The following EZR variants were observed in gnomAD, a reference collection of about 807,000 sequenced individuals.
EZR encodes cytovillin 2.
In EZR, 40 loss-of-function variants were observed where a neutral mutation model predicts 74.8. The ratio of observed to expected loss-of-function variants is 0.53; its 90% confidence interval spans 0.42 to 0.70. EZR has a LOEUF of 0.70. EZR is among the 30% of genes least tolerant of loss of function. The pLI is 0.00. For synonymous variants in EZR, 341 were observed against 283.3 expected (o/e 1.20, Z -2.05); for missense variants, 678 against 755.8 (o/e 0.90, Z 1.21).
chr6:158,798,575 C>T lies in EZR; in HGVS notation c.13-9204G>A, dbSNP rs369330223. ...GAGCTGAGAGGCTGGCTCAGCTCTG[C>T]TTCAGAGACCTCCCTCGATGGAAAA... On this transcript the variant is annotated intron_variant, in intron 2 of 13. Transcript: ENST00000367075. Among the ~76,000 whole-genome samples, 16 of 149,604 alleles carry T rather than the reference C, an allele frequency of 1.1e-4. No individual in the cohort carries two copies. In the East Asian group the frequency reaches 3.1e-3, roughly 29 times the overall value.
chr6:158,803,624 T>C (rs187587908), intron 2 of EZR, among the ~76,000 whole-genome samples: 9,998 of 30,676 alleles, frequency 0.33, 1,727 homozygotes, highest in African/African-American at 0.52. Context: ...TATATATATA[T>C]ACATATACAT....
chr6:158,817,049 C>T (rs1314407020), intron 2 of EZR, among the ~76,000 whole-genome samples: 2 of 152,148 alleles, frequency 1.3e-5, no homozygotes, highest in African/African-American at 4.8e-5. Flanking sequence ...CATGCCACTG[C>T]ACTCCAGCCT....
At chr6:158,767,183 C>G (rs375628955) in intron 13 of EZR, 78 bp downstream of exon 13, 19 of 1,580,620 alleles carry the variant, frequency 1.2e-5, no homozygotes, top group Non-Finnish European at 1.6e-5. Context: ...GGGGCTGGCT[C>G]ACATCACTGC....
chr6:158,780,578 C>T (rs182922751), intron 7 of EZR, among the ~76,000 whole-genome samples: 139 of 152,294 alleles, frequency 9.1e-4, no homozygotes, highest in African/African-American at 3.2e-3. Context: ...CCAAGCTCCC[C>T]GTGCACCCTT....
chr6:158,795,410 T>A (rs1169412728), intron 2 of EZR, among the ~76,000 whole-genome samples: 1 of 139,220 alleles, frequency 7.2e-6, no homozygotes, highest in African/African-American at 2.6e-5. Context: ...CATCTCTAAC[T>A]TTTAAAAACG....
intron 2 of EZR, among the ~76,000 whole-genome samples, chr6:158,800,785 G>T (rs3123124): frequency 0.012 from 1,794 of 152,230 alleles, 17 homozygotes; most frequent in Non-Finnish European, 0.019. Flanking sequence ...CTGGGTGACA[G>T]AGTGAGACTG....
At chr6:158,808,805 G>A (rs183908105) in intron 2 of EZR, among the ~76,000 whole-genome samples, 1 of 152,270 alleles carries the variant, frequency 6.6e-6, no homozygotes, top group East Asian at 1.9e-4. Context: ...TTTAAAGTTT[G>A]CTATAAAATA....
At position 158,803,582 on chromosome 6, in the gene EZR, CATATATATATATATAT is replaced by C. The variant is rs60495898; in HGVS notation, c.13-14227_13-14212del. On this transcript the variant is annotated intron_variant, in intron 2 of 13. Coordinates refer to ENST00000367075, the MANE Select transcript of EZR (RefSeq NM_001111077.2). ...ATATATATATATATATATATATATA[CATATATATATATATAT>C]ATATATACATATATATATATATATA... 2.3e-4 allele frequency among the ~76,000 whole-genome samples: 10 copies of C among 43,662 alleles called. 1 individual carries two copies. The highest frequency in any genetic ancestry group is 6.6e-4 in the African/African-American group (10 of 15,042). 28.6% of individuals were successfully genotyped at this position (43,662 alleles called of 152,430 possible).
intron 1 of EZR, among the ~76,000 whole-genome samples, chr6:158,818,874 A>G (rs1452872555): frequency 2.3e-5 from 3 of 129,512 alleles, no homozygotes; most frequent in Admixed American, 2.2e-4. Flanking sequence ...CTGGGGAGGG[A>G]TCCGTGGAGA....
chr6:158,771,106 CG>C, intron 9 of EZR, 137 bp downstream of exon 9: 1 of 1,377,804 alleles, frequency 7.3e-7, no homozygotes, highest in African/African-American at 1.5e-5. Flanking sequence ...ACAAAGGCCT[CG>C]AAGATCCCAG....
intron 7 of EZR, among the ~76,000 whole-genome samples, chr6:158,783,120 A>G (rs1791475744): frequency 6.6e-6 from 1 of 152,104 alleles, no homozygotes; most frequent in Admixed American, 6.5e-5. Flanking sequence ...TCACACCATC[A>G]ATATTCTTGG....
intron 4 of EZR, 36 bp from the exon 5 acceptor site, chr6:158,785,619 G>T: frequency 1.2e-6 from 2 of 1,604,164 alleles, no homozygotes; most frequent in Non-Finnish European, 1.7e-6. Flanking sequence ...ACACAAATCC[G>T]GAAGACGAAG....
At chr6:158,783,700 G>A in intron 6 of EZR, 34 bp from the exon 7 acceptor site, 3 of 1,604,494 alleles carry the variant, frequency 1.9e-6, no homozygotes, top group Non-Finnish European at 2.6e-6. Context: ...CAGAGTCACT[G>A]GTAGCACTCA....
intron 2 of EZR, among the ~76,000 whole-genome samples, chr6:158,790,931 C>T (rs1290406010): frequency 6.6e-6 from 1 of 152,156 alleles, no homozygotes; most frequent in East Asian, 1.9e-4. Flanking sequence ...ATACCTATCC[C>T]GGATTCTTCC....
intron 2 of EZR, among the ~76,000 whole-genome samples, chr6:158,817,639 A>G (rs1177402454): frequency 6.6e-6 from 1 of 152,160 alleles, no homozygotes; most frequent in Non-Finnish European, 1.5e-5. Flanking sequence ...ACGCCCTTTA[A>G]TATCTCCCCA....
Position 158,766,884 on chromosome 6 carries a change from A to G in EZR, c.*30T>C, listed in dbSNP as rs1362318743. On this transcript the variant is annotated 3_prime_UTR_variant, in exon 14 of 14. Coordinates refer to ENST00000367075, the MANE Select transcript of EZR (RefSeq NM_001111077.2). ...GGGGCTGGCAGCGCCCGCTATGAGC[A>G]CCCCTCTGCCCTTGGTCCTGGCCTG... The G allele has an allele frequency of 6.2e-7, 1 of 1,601,990 alleles. No individual in the cohort carries two copies. The highest frequency in any genetic ancestry group is 2.2e-5 in the East Asian group (1 of 44,536).
chr6:158,790,950 G>T (rs750471448), intron 2 of EZR, among the ~76,000 whole-genome samples: 1 of 152,274 alleles, frequency 6.6e-6, no homozygotes, highest in East Asian at 1.9e-4. Flanking sequence ...CCTAACACAG[G>T]TGTAAATGTA....
Position 158,775,031 on chromosome 6 carries a change from G to GC in EZR, c.795+1376dup, listed in dbSNP as rs1437793777. Among the ~76,000 whole-genome samples the GC allele has an allele frequency of 4.4e-4, 53 of 120,928 alleles. 1 individual carries two copies. The highest frequency in any genetic ancestry group is 2.6e-3 in the Admixed American group (32 of 12,230). 79.3% of individuals were successfully genotyped at this position (120,928 alleles called of 152,430 possible). On this transcript the variant is annotated intron_variant, in intron 8 of 13. Coordinates refer to ENST00000367075, the MANE Select transcript of EZR (RefSeq NM_001111077.2). ...AGCCAAGAGTTTGCAAACAGCAGGA[G>GC]CCCTTTTTTTTTTTTTTTTTTGAGA...
chr6:158,809,271 TGG>T (rs375349268), intron 2 of EZR, among the ~76,000 whole-genome samples: 31 of 152,320 alleles, frequency 2.0e-4, no homozygotes, highest in African/African-American at 7.5e-4. Context: ...GAATCAGGAA[TGG>T]ACTTACAAAA....
Sources: allele counts gnomAD v4.1 joint callset (sites outside exome capture counted in the v4.1 genomes callset), GRCh38; gene constraint gnomAD v4.1.1; transcripts MANE v1.5; gene names NCBI Gene and HGNC (gene_info 2026-07-23, HGNC 2026-07-21).